TERB2: variants seen among roughly 807,000 people sequenced by gnomAD.
TERB2 encodes telomere repeat binding bouquet formation protein 2, also known as telomere repeats-binding bouquet formation protein 2.
In TERB2, 26 loss-of-function variants were observed where a neutral mutation model predicts 29.8. That is an observed-to-expected ratio of 0.87 (90% CI 0.64 to 1.21). The LOEUF is 1.21. Among genes scored for constraint, TERB2 ranks in the 50% most tolerant of loss-of-function variants. The probability of loss-of-function intolerance (pLI) is 0.00; values close to 1 mark genes in which losing one functional copy is unlikely to be tolerated. For synonymous variants in TERB2, 80 were observed against 90.8 expected (o/e 0.88, Z 0.68); for missense variants, 240 against 268.6 (o/e 0.89, Z 0.74).
At chr15:44,971,155 G>C (rs1891961480) in intron 5 of TERB2, 1 of 153,182 alleles carries the variant, frequency 6.5e-6, no homozygotes, top group Non-Finnish European at 1.5e-5. Context: ...CCTTCTATCA[G>C]TGCATCCATG....
At chr15:44,974,010 T>C in intron 6 of TERB2, 55 bp downstream of exon 6, 2 of 1,392,592 alleles carry the variant, frequency 1.4e-6, no homozygotes, top group Non-Finnish European at 1.9e-6. Context: ...CAAGGGAATA[T>C]TGTGTTGAAT....
chr15:44,967,053 C>A (rs1317718904), intron 5 of TERB2, among the ~76,000 whole-genome samples: 4 of 152,154 alleles, frequency 2.6e-5, no homozygotes, highest in Non-Finnish European at 5.9e-5. Context: ...GAGCCGTGAT[C>A]ACGCCACTGC....
chr15:44,957,468 T>C (rs771020012), intron 2 of TERB2, among the ~76,000 whole-genome samples: 23 of 152,074 alleles, frequency 1.5e-4, no homozygotes, highest in Non-Finnish European at 3.1e-4. Flanking sequence ...AGGCCCCTCA[T>C]ACTCAATGTC....
At chr15:44,957,052 A>G (rs1238521156) in intron 2 of TERB2, 75 bp downstream of exon 2, 1 of 1,457,306 alleles carries the variant, frequency 6.9e-7, no homozygotes, top group African/African-American at 1.4e-5. Flanking sequence ...GCAGTCCACT[A>G]ATAAATATTG....
chr15:44,971,665 A>G (rs2141244046), intron 5 of TERB2, among the ~76,000 whole-genome samples: 1 of 152,056 alleles, frequency 6.6e-6, no homozygotes, highest in East Asian at 1.9e-4. Flanking sequence ...TGAGGCAGGA[A>G]AATGGCCTGA....
At chr15:44,964,086 G>A (rs140289313) in intron 4 of TERB2, among the ~76,000 whole-genome samples, 5,990 of 152,236 alleles carry the variant, frequency 0.039, 408 homozygotes, top group African/African-American at 0.14. Context: ...TGGGATTACA[G>A]GCGTGAGCCA....
intron 6 of TERB2, 111 bp downstream of exon 6, chr15:44,974,066 T>G (rs978004457): frequency 7.5e-6 from 8 of 1,067,962 alleles, no homozygotes; most frequent in African/African-American, 5.0e-5. Flanking sequence ...CCTTCTCTAG[T>G]AAGCCTGGTA....
At chr15:44,968,527 A>G (rs1891921586) in intron 5 of TERB2, among the ~76,000 whole-genome samples, 1 of 150,070 alleles carries the variant, frequency 6.7e-6, no homozygotes, top group Non-Finnish European at 1.5e-5. Flanking sequence ...TGGCCGAAAA[A>G]TCTTATTTGA....
intron 3 of TERB2, among the ~76,000 whole-genome samples, chr15:44,960,601 A>G (rs1371902291): frequency 6.6e-6 from 1 of 152,086 alleles, no homozygotes; most frequent in Non-Finnish European, 1.5e-5. Flanking sequence ...TTATTTCAAT[A>G]TATAATCTAT....
chr15:44,957,225 A>C (rs911249906), intron 2 of TERB2, among the ~76,000 whole-genome samples: 2 of 151,576 alleles, frequency 1.3e-5, no homozygotes, highest in African/African-American at 2.4e-5. Flanking sequence ...AAAAAAAAAA[A>C]CATAAATAAA....
chr15:44,958,695 CTTTG>C (rs1394774702), intron 3 of TERB2, among the ~76,000 whole-genome samples, 183 bp downstream of exon 3: 1 of 152,156 alleles, frequency 6.6e-6, no homozygotes, highest in Admixed American at 6.5e-5. Context: ...TATATCCTGA[CTTTG>C]TTTATGTATT....
chr15:44,958,268 C>T, intron 2 of TERB2, 105 bp from the exon 3 acceptor site: 1 of 1,342,918 alleles, frequency 7.4e-7, no homozygotes, highest in East Asian at 2.3e-5. Context: ...ATGTATGCTT[C>T]AATGTAATCG....
rs369429553 is a variant in TERB2 at position 44,956,844 on chromosome 15, G to A, written c.65-52G>A. ...AGGGGAGCATCCTCCTCTCTCTGATGCTTTGGGTCCAGGGTGCTTGATAGG... is the reference window on the plus strand; with the variant it reads ...AGGGGAGCATCCTCCTCTCTCTGATACTTTGGGTCCAGGGTGCTTGATAGG... On this transcript the variant is annotated intron_variant, in intron 1 of 6. Coordinates refer to ENST00000340827, the MANE Select transcript of TERB2 (RefSeq NM_152448.3). 3.6e-4 allele frequency: 583 copies of A among 1,611,174 alleles called. No homozygotes were observed. In the African/African-American group the frequency reaches 7.2e-3, roughly 20 times the overall value.
chr15:44,966,007 ACTCAGC>A, intron 4 of TERB2, 145 bp from the exon 5 acceptor site: 1 of 383,548 alleles, frequency 2.6e-6, no homozygotes, highest in Non-Finnish European at 4.6e-6. Context: ...AATTTTCTTC[ACTCAGC>A]TAGATTGAGT....
At chr15:44,968,584 C>CTTTTTTTT (rs34188520) in intron 5 of TERB2, among the ~76,000 whole-genome samples, 1 of 98,502 alleles carries the variant, frequency 1.0e-5, no homozygotes, top group African/African-American at 4.5e-5. Context: ...TTTGTTTAAC[C>CTTTTTTTT]TTTTTTTTTT....
chr15:44,961,743 A>G (rs572507082), intron 4 of TERB2, among the ~76,000 whole-genome samples, 159 bp downstream of exon 4: 25 of 152,356 alleles, frequency 1.6e-4, no homozygotes, highest in Admixed American at 9.1e-4. Flanking sequence ...TCTGTCTCCC[A>G]GGCTGGAGTG....
chr15:44,958,530 A>G lies in TERB2; in HGVS notation c.286+18A>G. On this transcript the variant is annotated intron_variant, in intron 3 of 6. Transcript: ENST00000340827. ...GCAAAAAGGTTAGCAAAGATCATTC[A>G]GCCAATCCCTGTCAGACAGCCAAAT... The G allele has an allele frequency of 6.3e-7, 1 of 1,593,592 alleles. No individual in the cohort carries two copies. Among genetic ancestry groups the G allele is most frequent in the East Asian group, 2.2e-5 (1 of 44,518 alleles).
intron 5 of TERB2, among the ~76,000 whole-genome samples, chr15:44,967,053 C>G (rs1317718904): frequency 6.6e-6 from 1 of 152,154 alleles, no homozygotes; most frequent in Non-Finnish European, 1.5e-5. Flanking sequence ...GAGCCGTGAT[C>G]ACGCCACTGC....
intron 6 of TERB2, among the ~76,000 whole-genome samples, chr15:44,974,734 G>C (rs1181535492): frequency 6.6e-6 from 1 of 152,048 alleles, no homozygotes; most frequent in Non-Finnish European, 1.5e-5. Flanking sequence ...GCTTTTAAAA[G>C]AGCAATTTTT....
Sources: gnomAD v4.1 joint callset for allele counts (sites outside exome capture counted in the v4.1 genomes callset) on GRCh38, gnomAD v4.1.1 for gene constraint, MANE v1.5 for transcripts, NCBI Gene and HGNC (gene_info 2026-07-23, HGNC 2026-07-21) for gene names.